ASTN1: variants seen among roughly 807,000 people sequenced by gnomAD.
The protein encoded by ASTN1 is astrotactin 1, also known as astrotactin-1.
A neutral mutation model predicts 140.7 loss-of-function variants in ASTN1; 41 were observed. The ratio of observed to expected loss-of-function variants is 0.29; its 90% confidence interval spans 0.23 to 0.38. The LOEUF (loss-of-function observed/expected upper bound fraction) is 0.38, where lower values mean the gene tolerates loss of function less well. Among genes scored for constraint, ASTN1 ranks in the 10% least tolerant of loss-of-function variants. The probability of loss-of-function intolerance (pLI) is 1.00; values close to 1 mark genes in which losing one functional copy is unlikely to be tolerated. For missense variants in ASTN1, 1,479 were observed against 1,678.8 expected (o/e 0.88, Z 2.08); for synonymous variants, 640 against 652.2 (o/e 0.98, Z 0.29).
intron 11 of ASTN1, among the ~76,000 whole-genome samples, chr1:176,954,922 A>G (rs1672336749): frequency 6.6e-6 from 1 of 152,252 alleles, no homozygotes; most frequent in Non-Finnish European, 1.5e-5. Flanking sequence ...GTGGGAGTCC[A>G]TGCATAACTG....
At chr1:177,105,957 C>A (rs1680527412) in intron 1 of ASTN1, among the ~76,000 whole-genome samples, 1 of 152,154 alleles carries the variant, frequency 6.6e-6, no homozygotes, top group African/African-American at 2.4e-5. Flanking sequence ...TACTGCACCA[C>A]TGCATTTCAG....
At chr1:176,894,070 A>G (rs1571469422) in intron 17 of ASTN1, among the ~76,000 whole-genome samples, 2 of 152,102 alleles carry the variant, frequency 1.3e-5, no homozygotes, top group South Asian at 4.2e-4. Flanking sequence ...CAGAAAACCA[A>G]CCCCTTCCAG....
At chr1:177,040,846 A>T (rs924626252) in intron 2 of ASTN1, among the ~76,000 whole-genome samples, 2 of 152,158 alleles carry the variant, frequency 1.3e-5, no homozygotes, top group Non-Finnish European at 2.9e-5. Flanking sequence ...CCCTACAGGG[A>T]CAGTGGTTGG....
At chr1:177,068,370 A>G (rs1347408205) in intron 1 of ASTN1, among the ~76,000 whole-genome samples, 1 of 152,230 alleles carries the variant, frequency 6.6e-6, no homozygotes, top group African/African-American at 2.4e-5. Context: ...CAAGGAACCA[A>G]AATCTTCTTG....
intron 10 of ASTN1, 68 bp from the exon 11 acceptor site, chr1:176,957,896 A>G (rs906456828): frequency 2.7e-5 from 41 of 1,528,938 alleles, no homozygotes; most frequent in Admixed American, 2.1e-4. Context: ...GTGGCATTAC[A>G]TTCCATGCTC....
At chr1:177,019,663 C>A (rs1175164944) in intron 7 of ASTN1, among the ~76,000 whole-genome samples, 1 of 152,142 alleles carries the variant, frequency 6.6e-6, no homozygotes, top group Non-Finnish European at 1.5e-5. Flanking sequence ...ATGCATTGGG[C>A]TGAGTGCTCT....
chr1:176,928,366 T>G (rs1671062916), intron 16 of ASTN1, among the ~76,000 whole-genome samples: 1 of 152,156 alleles, frequency 6.6e-6, no homozygotes, highest in African/African-American at 2.4e-5. Context: ...TTAAATAAAC[T>G]TTTGAAATTA....
intron 1 of ASTN1, among the ~76,000 whole-genome samples, chr1:177,114,622 C>T (rs566647702): frequency 2.2e-4 from 34 of 152,198 alleles, no homozygotes; most frequent in African/African-American, 7.7e-4. Flanking sequence ...ATCCAGAATT[C>T]CTCAGTTTTT....
chr1:177,014,996 G>C (rs568708777), intron 7 of ASTN1, 121 bp from the exon 8 acceptor site: 1 of 846,502 alleles, frequency 1.2e-6, no homozygotes, highest in African/African-American at 1.7e-5. Flanking sequence ...TAGCATGAAT[G>C]AGACAGTAAG....
At position 176,861,842 on chromosome 1, in the gene ASTN1, C is replaced by T. The variant is rs6425397; in HGVS notation, c.*2442G>A. The T allele has an allele frequency of 0.83, 820,756 of 985,042 alleles. 342,374 individuals carry two copies. Among genetic ancestry groups the T allele is most frequent in the African/African-American group, 0.92 (52,841 of 57,262 alleles). The allele number at this position is 985,042 out of a possible 1,614,324, so 61.0% of individuals were successfully genotyped here. A position where few individuals can be genotyped will look rare whatever the true frequency, so the allele number is the denominator to read the frequency against. The stretch of plus-strand genomic sequence containing the variant: ...AAAGAAGGTAGAGGAACTTGGGAGA[C>T]TGAGGGAAAGATAGGAGAGAGGAAG... On this transcript the variant is annotated 3_prime_UTR_variant, in exon 23 of 23. Coordinates refer to ENST00000361833, the MANE Select transcript of ASTN1 (RefSeq NM_004319.3).
chr1:176,959,280 G>A (rs1181362155), intron 9 of ASTN1, among the ~76,000 whole-genome samples: 2 of 152,190 alleles, frequency 1.3e-5, no homozygotes, highest in Non-Finnish European at 2.9e-5. Context: ...GAAAGCCAGT[G>A]TGGATGGGAT....
At chr1:176,872,042 G>A (rs1391640119) in intron 21 of ASTN1, among the ~76,000 whole-genome samples, 2 of 152,158 alleles carry the variant, frequency 1.3e-5, no homozygotes, top group Non-Finnish European at 2.9e-5. Context: ...AGACACCATG[G>A]CATCAAATGG....
Position 177,014,850 on chromosome 1 carries a change from GT to G in ASTN1, c.1463del (p.Tyr488SerfsTer2). On this transcript the variant is annotated frameshift_variant, in exon 8 of 23. Coordinates refer to ENST00000361833, the MANE Select transcript of ASTN1 (RefSeq NM_004319.3). LOFTEE classifies it high-confidence loss of function. ...ETGECLCYEG[Y>X]MKDPVHKHLC... ...GGTGCTTATGTACTGGATCCTTCAT[GT>G]AGCCTTCATAGCAGAGGCATTCCCC... 1.2e-6 allele frequency: 2 copies of G among 1,613,770 alleles called. No individual in the cohort carries two copies. The highest frequency in any genetic ancestry group is 1.7e-6 in the Non-Finnish European group (2 of 1,179,746).
chr1:176,858,737 TG>T (rs1374487738), downstream of ASTN1, among the ~76,000 whole-genome samples: 3 of 152,212 alleles, frequency 2.0e-5, no homozygotes, highest in Admixed American at 6.5e-5. Flanking sequence ...AAGGCATTAC[TG>T]GGTTTGCACT....
At chr1:176,942,354 A>C (rs1671753599) in intron 14 of ASTN1, among the ~76,000 whole-genome samples, 1 of 152,184 alleles carries the variant, frequency 6.6e-6, no homozygotes, top group Non-Finnish European at 1.5e-5. Context: ...CCCTGCTGCC[A>C]GGCTCCAGAG....
chr1:176,971,667 C>T lies in ASTN1; in HGVS notation c.1524-6430G>A, dbSNP rs1673145531. Among the ~76,000 whole-genome samples, 3 of 152,208 alleles carry T rather than the reference C, an allele frequency of 2.0e-5. No homozygotes were observed. The South Asian group carries it at 6.2e-4, about 32-fold the overall frequency. On this transcript the variant is annotated intron_variant, in intron 8 of 22. Transcript: ENST00000361833. Reference sequence around the variant, plus strand: ...ATTCTCTCATGGCACCCTGCACTTTCCTTTATATATAGTGACTATTTTCTG... The same window carrying T: ...ATTCTCTCATGGCACCCTGCACTTTTCTTTATATATAGTGACTATTTTCTG...
At chr1:177,042,853 A>T (rs1383003160) in intron 2 of ASTN1, among the ~76,000 whole-genome samples, 2 of 152,190 alleles carry the variant, frequency 1.3e-5, no homozygotes, top group East Asian at 3.9e-4. Context: ...TTTCAATTAA[A>T]CCCCAGATTT....
intron 1 of ASTN1, among the ~76,000 whole-genome samples, chr1:177,092,781 G>A (rs1441030697): frequency 6.6e-6 from 1 of 152,122 alleles, no homozygotes; most frequent in Non-Finnish European, 1.5e-5. Context: ...TCATTGAATT[G>A]TCTTGGCACT....
chr1:176,866,262 C>T (rs1668125005), intron 22 of ASTN1, among the ~76,000 whole-genome samples: 2 of 152,138 alleles, frequency 1.3e-5, no homozygotes, highest in Admixed American at 1.3e-4. Flanking sequence ...AAGTCAAGGG[C>T]TAAGAGTAAA....
Sources: gnomAD v4.1 joint callset for allele counts (sites outside exome capture counted in the v4.1 genomes callset) on GRCh38, gnomAD v4.1.1 for gene constraint, MANE v1.5 for transcripts, NCBI Gene and HGNC (gene_info 2026-07-23, HGNC 2026-07-21) for gene names.